Variants in SLC25A41 observed in about 807,000 individuals in gnomAD.
The protein encoded by SLC25A41 is mitochondrial carrier protein SCaMC-3L.
A neutral mutation model predicts 34.7 loss-of-function variants in SLC25A41; 35 were observed. The ratio of observed to expected loss-of-function variants is 1.01; its 90% confidence interval spans 0.77 to 1.34. SLC25A41 has a LOEUF of 1.34. Among genes scored for constraint, SLC25A41 ranks in the 40% most tolerant of loss-of-function variants. The probability of loss-of-function intolerance (pLI) is 0.00; values close to 1 mark genes in which losing one functional copy is unlikely to be tolerated. For synonymous variants in SLC25A41, 190 were observed against 209.9 expected (o/e 0.91, Z 0.82); for missense variants, 492 against 489.8 (o/e 1.00, Z -0.04).
At chr19:6,433,349 C>G (rs1158000844) in intron 1 of SLC25A41, 138 bp downstream of exon 1, 1 of 858,598 alleles carries the variant, frequency 1.2e-6, no homozygotes, top group Non-Finnish European at 1.9e-6. Flanking sequence ...CGCGCCCTGC[C>G]TCCCTGCCCC....
In SLC25A41 at chr19:6,429,111, T is replaced by C. The variant is rs1408518545; in HGVS notation, c.624+613A>G. On this transcript the variant is annotated intron_variant, in intron 4 of 6. Coordinates refer to ENST00000321510, the MANE Select transcript of SLC25A41 (RefSeq NM_173637.4). ...ATATATATGTTACATATATATATAA[T>C]ATATATATTATATATATGTTATATA... Among the ~76,000 whole-genome samples, 50 of 58,608 alleles carry C rather than the reference T, an allele frequency of 8.5e-4. 11 individuals carry two copies. The highest frequency in any genetic ancestry group is 1.2e-3 in the Non-Finnish European group (45 of 37,046). The allele number at this position is 58,608 out of a possible 152,430, so 38.4% of individuals were successfully genotyped here.
In SLC25A41 at chr19:6,427,577, C is replaced by A. The variant is rs1423496480; in HGVS notation, c.625-76G>T. The A allele has an allele frequency of 7.2e-7, 1 of 1,396,040 alleles. No individual in the cohort carries two copies. Among genetic ancestry groups the A allele is most frequent in the Non-Finnish European group, 9.4e-7 (1 of 1,064,906 alleles). The allele number at this position is 1,396,040 out of a possible 1,614,324, so 86.5% of individuals were successfully genotyped here. Reference sequence around the variant, plus strand: ...ACCCTCGGGGTAGCCATTGTCCCCACCCTACAAACAAGGAAAATGAGGCTC... The same window carrying A: ...ACCCTCGGGGTAGCCATTGTCCCCAACCTACAAACAAGGAAAATGAGGCTC... On this transcript the variant is annotated intron_variant, in intron 4 of 6. Coordinates refer to ENST00000321510, the MANE Select transcript of SLC25A41 (RefSeq NM_173637.4). This position sits in a 1 kb window ranked among gnomAD's most constrained non-coding sequence, Gnocchi z 4.9.
intron 1 of SLC25A41, 100 bp downstream of exon 1, chr19:6,433,387 C>T: frequency 1.6e-6 from 2 of 1,219,684 alleles, no homozygotes; most frequent in Admixed American, 1.8e-5. Flanking sequence ...AATTCTAGGT[C>T]CGCTAGCAGG....
Sources: allele counts gnomAD v4.1 joint callset (sites outside exome capture counted in the v4.1 genomes callset), GRCh38; gene constraint gnomAD v4.1.1; non-coding constraint Gnocchi (gnomAD v3.1); transcripts MANE v1.5; gene names NCBI Gene and HGNC (gene_info 2026-07-23, HGNC 2026-07-21).